The following ANKS1B variants were observed in gnomAD, a reference collection of about 807,000 sequenced individuals.
The protein encoded by ANKS1B is ankyrin repeat and sterile alpha motif domain-containing protein 1B.
In ANKS1B, 36 loss-of-function variants were observed where a neutral mutation model predicts 148.3. The ratio of observed to expected loss-of-function variants is 0.24; its 90% CI spans 0.19 to 0.32. The LOEUF is 0.32. Among genes scored for constraint, ANKS1B ranks in the 10% least tolerant of loss-of-function variants. The pLI is 1.00. For synonymous variants in ANKS1B, 542 were observed against 560.8 expected (o/e 0.97, Z 0.47); for missense variants, 1,157 against 1,542.6 (o/e 0.75, Z 4.19).
At chr12:99,713,227 G>A (rs1439081195) in intron 8 of ANKS1B, among the ~76,000 whole-genome samples, 1 of 152,120 alleles carries the variant, frequency 6.6e-6, no homozygotes, top group Non-Finnish European at 1.5e-5. Context: ...ACACTTTTCT[G>A]TGTGATTAAA....
At chr12:99,197,914 G>A (rs1281325250) in intron 14 of ANKS1B, among the ~76,000 whole-genome samples, 1 of 152,078 alleles carries the variant, frequency 6.6e-6, no homozygotes, top group Non-Finnish European at 1.5e-5. Context: ...GCAATAAGAA[G>A]AATTATACAG....
At chr12:99,968,910 T>C (rs953863953) in intron 1 of ANKS1B, among the ~76,000 whole-genome samples, 8 of 152,182 alleles carry the variant, frequency 5.3e-5, no homozygotes, top group Non-Finnish European at 1.0e-4. Flanking sequence ...CTTTGCCTTC[T>C]GCCGTGATTG....
chr12:99,739,765 T>G (rs1264922853), intron 8 of ANKS1B, among the ~76,000 whole-genome samples: 3 of 152,128 alleles, frequency 2.0e-5, no homozygotes, highest in Non-Finnish European at 4.4e-5. Flanking sequence ...ATTCCTCAGA[T>G]AGTTGATGGC....
At position 99,781,902 on chromosome 12, in the gene ANKS1B, A is replaced by G. The variant is rs114063700; in HGVS notation, c.745+120T>C. 2.0e-3 allele frequency: 1,645 copies of G among 804,566 alleles called. 23 individuals carry two copies. The African/African-American group carries it at 0.026, about 13-fold the overall frequency. 49.8% of individuals were successfully genotyped at this position (804,566 alleles called of 1,614,324 possible). A position where few individuals can be genotyped will look rare whatever the true frequency, so the allele number is the denominator to read the frequency against. ...CTACATAATATGAATACATATCTGC[A>G]TTTTAGAGTAAAGGCAAGAGGGTGA... On this transcript the variant is annotated intron_variant, in intron 5 of 26. Coordinates refer to ENST00000683438, the MANE Select transcript of ANKS1B (RefSeq NM_001352186.2).
intron 12 of ANKS1B, among the ~76,000 whole-genome samples, chr12:99,311,251 G>T (rs185276919): frequency 1.3e-5 from 2 of 152,078 alleles, no homozygotes; most frequent in East Asian, 3.9e-4. Context: ...CTGCTAAATG[G>T]GTTTCCTATA....
intron 1 of ANKS1B, among the ~76,000 whole-genome samples, chr12:99,882,827 A>G (rs1458340371): frequency 6.6e-5 from 10 of 152,224 alleles, no homozygotes; most frequent in Non-Finnish European, 1.5e-4. Flanking sequence ...TTTTTAAAAA[A>G]GAAGTCATGG....
In ANKS1B at chr12:99,547,098, A is replaced by C. The variant is rs1596763407; in HGVS notation, c.1273-42457T>G. Among the ~76,000 whole-genome samples, 3 of 152,132 alleles carry C rather than the reference A, an allele frequency of 2.0e-5. No individual in the cohort carries two copies. The South Asian group carries it at 6.2e-4, about 32-fold the overall frequency. On this transcript the variant is annotated intron_variant, in intron 9 of 26. Coordinates refer to ENST00000683438, the MANE Select transcript of ANKS1B (RefSeq NM_001352186.2). Reference sequence around the variant, plus strand: ...GCCTTGGGGAGAAAAAGAGAGGGAAATTCCAAGAACAAAGTACTTGGGTTT... The same window carrying C: ...GCCTTGGGGAGAAAAAGAGAGGGAACTTCCAAGAACAAAGTACTTGGGTTT...
At chr12:98,816,188 T>C (rs1334539653) in intron 19 of ANKS1B, among the ~76,000 whole-genome samples, 1 of 152,178 alleles carries the variant, frequency 6.6e-6, no homozygotes, top group Non-Finnish European at 1.5e-5. Flanking sequence ...CAAGTTCTAT[T>C]CTAATGTCAC....
intron 2 of ANKS1B, among the ~76,000 whole-genome samples, chr12:99,821,470 CAAA>C (rs5800383): frequency 6.9e-6 from 1 of 145,970 alleles, no homozygotes; most frequent in East Asian, 2.0e-4. Flanking sequence ...TCTAAATCAC[CAAA>C]AAAAAAAAAA....
chr12:99,055,544 G>A (rs2099969054), intron 16 of ANKS1B, among the ~76,000 whole-genome samples: 1 of 152,228 alleles, frequency 6.6e-6, no homozygotes, highest in Non-Finnish European at 1.5e-5. Context: ...GACACACAGA[G>A]GGTGTTGATG....
chr12:99,352,654 C>T lies in ANKS1B; in HGVS notation c.1756+46977G>A, dbSNP rs555678283. ...AAAGAAATTAATATATCTTGAGAGG[C>T]CATCCCCATCAGGCAAAAGACCCAT... On this transcript the variant is annotated intron_variant, in intron 12 of 26. Transcript: ENST00000683438. 3.9e-5 allele frequency among the ~76,000 whole-genome samples: 6 copies of T among 152,084 alleles called. No homozygotes were observed. In the East Asian group the frequency reaches 1.2e-3, roughly 29 times the overall value.
intron 10 of ANKS1B, among the ~76,000 whole-genome samples, chr12:99,473,842 T>C (rs532000933): frequency 6.6e-6 from 1 of 152,190 alleles, no homozygotes; most frequent in Admixed American, 6.5e-5. Flanking sequence ...CTTTCCCAGT[T>C]TGTGGCATTT....
intron 8 of ANKS1B, among the ~76,000 whole-genome samples, chr12:99,755,822 C>T (rs1484117293): frequency 6.6e-6 from 1 of 151,982 alleles, no homozygotes; most frequent in African/African-American, 2.4e-5. Context: ...ATGTTAAAAA[C>T]TCTCAATAAA....
intron 12 of ANKS1B, among the ~76,000 whole-genome samples, chr12:99,263,138 G>A (rs868481277): frequency 1.3e-5 from 2 of 152,006 alleles, no homozygotes; most frequent in Middle Eastern, 6.8e-3. Context: ...TAGATGTTAA[G>A]TAACCAATCA....
chr12:99,154,402 G>A lies in ANKS1B; in HGVS notation c.2420-7C>T, dbSNP rs368710800. The A allele has an allele frequency of 1.2e-6, 2 of 1,613,690 alleles. No homozygotes were observed. The highest frequency in any genetic ancestry group is 2.7e-5 in the African/African-American group (2 of 74,928). On this transcript the variant is annotated splice_region_variant and splice_polypyrimidine_tract_variant and intron_variant, in intron 14 of 26. Coordinates refer to ENST00000683438, the MANE Select transcript of ANKS1B (RefSeq NM_001352186.2). ...TGGACAGGGCATCTGGGTCCTGTAA[G>A]AGGATGAAGAGGGAAGCGTTTAAGC... is the stretch of plus-strand genomic sequence containing the variant.
At chr12:98,963,700 A>G (rs1177533698) in intron 17 of ANKS1B, among the ~76,000 whole-genome samples, 1 of 152,214 alleles carries the variant, frequency 6.6e-6, no homozygotes, top group Non-Finnish European at 1.5e-5. Flanking sequence ...GAAACAATCA[A>G]TAAAGTGAAG....
chr12:99,908,436 C>T (rs1280579553), intron 1 of ANKS1B, among the ~76,000 whole-genome samples: 1 of 151,940 alleles, frequency 6.6e-6, no homozygotes, highest in Non-Finnish European at 1.5e-5. Context: ...AAAAATTAGC[C>T]AGGCGTGGTG....
chr12:99,907,357 G>A (rs901598449), intron 1 of ANKS1B, among the ~76,000 whole-genome samples: 4 of 152,166 alleles, frequency 2.6e-5, no homozygotes, highest in Admixed American at 6.5e-5. Flanking sequence ...AGTACTTACT[G>A]TTCTCTAAAT....
chr12:99,529,058 A>C (rs1303269859), intron 9 of ANKS1B, among the ~76,000 whole-genome samples: 1 of 152,228 alleles, frequency 6.6e-6, no homozygotes, highest in Non-Finnish European at 1.5e-5. Context: ...TACTGTGTAG[A>C]AATTTGCATA....
Sources: allele counts gnomAD v4.1 joint callset (sites outside exome capture counted in the v4.1 genomes callset), GRCh38; gene constraint gnomAD v4.1.1; transcripts MANE v1.5; gene names NCBI Gene and HGNC (gene_info 2026-07-23, HGNC 2026-07-21).